The following RBFOX1 variants were observed in gnomAD, a reference collection of about 807,000 sequenced individuals.
RBFOX1 encodes RNA binding protein fox-1 homolog 1.
Under a neutral mutation model 57.7 loss-of-function variants are expected in RBFOX1, and 8 were observed. That is an observed-to-expected ratio of 0.14 (90% CI 0.08 to 0.25). The LOEUF (loss-of-function observed/expected upper bound fraction) is 0.25. Among genes scored for constraint, RBFOX1 ranks in the 10% least tolerant of loss-of-function variants. RBFOX1 has a pLI of 1.00. For missense variants in RBFOX1, 611 were observed against 548.5 expected, an observed-to-expected ratio of 1.11 and a Z score of -1.14; for synonymous variants, 326 against 222.4, an observed-to-expected ratio of 1.47 and a Z score of -4.15.
chr16:7,382,129 A>T (rs2097790720), intron 4 of RBFOX1, among the ~76,000 whole-genome samples: 1 of 152,200 alleles, frequency 6.6e-6, no homozygotes, highest in African/African-American at 2.4e-5. Flanking sequence ...ATATTTGAGT[A>T]GGGACTAATT....
intron 4 of RBFOX1, among the ~76,000 whole-genome samples, chr16:7,507,577 T>TTTTTTTTTG (rs2073775449): frequency 6.8e-6 from 1 of 146,394 alleles, no homozygotes; most frequent in African/African-American, 2.5e-5. Context: ...TTTTTTTTTT[T>TTTTTTTTTG]TTTTGAGACG....
At chr16:6,546,771 G>A (rs963951804) in intron 2 of RBFOX1, among the ~76,000 whole-genome samples, 6 of 152,252 alleles carry the variant, frequency 3.9e-5, no homozygotes, top group South Asian at 2.1e-4. Context: ...AACCCCTAGC[G>A]GATACATATC....
intron 2 of RBFOX1, among the ~76,000 whole-genome samples, chr16:6,574,430 T>TTA: frequency 7.3e-6 from 1 of 136,358 alleles, no homozygotes; most frequent in East Asian, 2.2e-4. Flanking sequence ...TTCTATTTTT[T>TTA]TTTTTTTTTT....
intron 3 of RBFOX1, among the ~76,000 whole-genome samples, chr16:5,611,692 CCCCACCCACTCT>C (rs1483500430): frequency 3.0e-5 from 2 of 65,724 alleles, no homozygotes; most frequent in Non-Finnish European, 7.7e-5. Flanking sequence ...CCACCCACTC[CCCCACCCACTCT>C]CCCATCCATC....
At chr16:6,295,117 T>TTTG (rs2077945438) in intron 1 of RBFOX1, among the ~76,000 whole-genome samples, 1 of 146,356 alleles carries the variant, frequency 6.8e-6, no homozygotes, top group Non-Finnish European at 1.5e-5. Flanking sequence ...TTTTTTTTTT[T>TTTG]TTTTTTTTTG....
intron 3 of RBFOX1, among the ~76,000 whole-genome samples, chr16:5,687,847 A>G (rs1378193726): frequency 6.6e-6 from 1 of 152,196 alleles, no homozygotes; most frequent in African/African-American, 2.4e-5. Flanking sequence ...TATTTTAAAA[A>G]GTTACATTTG....
At chr16:7,706,110 C>T (rs2082353232) in intron 14 of RBFOX1, among the ~76,000 whole-genome samples, 1 of 152,176 alleles carries the variant, frequency 6.6e-6, no homozygotes, top group African/African-American at 2.4e-5. Context: ...GGCATATCTG[C>T]TGCAAACGTA....
At chr16:5,642,107 G>T (rs1242916006) in intron 3 of RBFOX1, among the ~76,000 whole-genome samples, 2 of 152,120 alleles carry the variant, frequency 1.3e-5, no homozygotes, top group Non-Finnish European at 1.5e-5. Flanking sequence ...TCTCAAGCTG[G>T]GAGTTTATTC....
In RBFOX1 at chr16:7,360,253, T is replaced by C. The variant is rs1177903410; in HGVS notation, c.28-157894T>C. 2.6e-5 allele frequency among the ~76,000 whole-genome samples: 4 copies of C among 152,308 alleles called. No individual in the cohort carries two copies. In the East Asian group the frequency reaches 7.7e-4, roughly 29 times the overall value. ...ATAAACCTAGAAATGCCCCATTTTT[T>C]CCCAATAGCCTAGAATTCTTAGAAT... On this transcript the variant is annotated intron_variant, in intron 4 of 15. Coordinates refer to ENST00000550418, the MANE Select transcript of RBFOX1 (RefSeq NM_018723.4).
At chr16:5,797,927 G>A (rs2151746965) in intron 3 of RBFOX1, among the ~76,000 whole-genome samples, 1 of 152,218 alleles carries the variant, frequency 6.6e-6, no homozygotes, top group South Asian at 2.1e-4. Context: ...TTAATTGGAT[G>A]GGACACCATA....
chr16:6,019,805 C>T lies in RBFOX1; in HGVS notation c.-314C>T, dbSNP rs1211604061. On this transcript the variant is annotated 5_prime_UTR_variant, in exon 1 of 16. Coordinates refer to ENST00000550418, the MANE Select transcript of RBFOX1 (RefSeq NM_018723.4). This position sits in a 1 kb window ranked among gnomAD's most constrained non-coding sequence, Gnocchi z 4.2. ...TCCCCGCCTGTCCGGACCCTCGCCG[C>T]GCCCAGGCAGGCGCGCCAGGGCGGG... The T allele has an allele frequency of 1.3e-6, 2 of 1,493,364 alleles. No homozygotes were observed. The highest frequency in any genetic ancestry group is 2.1e-5 in the Admixed American group (1 of 48,162). The allele number at this position is 1,493,364 out of a possible 1,614,324, so 92.5% of individuals were successfully genotyped here.
At chr16:5,599,555 G>T (rs1323971195) in exon 3 of RBFOX1, 3 of 320,480 alleles carry the variant, frequency 9.4e-6, no homozygotes, top group South Asian at 7.0e-5. Flanking sequence ...TCATGGTGTG[G>T]TGCATTCCCC....
At chr16:7,690,714 C>G (rs572096685) in intron 14 of RBFOX1, among the ~76,000 whole-genome samples, 2 of 152,156 alleles carry the variant, frequency 1.3e-5, no homozygotes, top group South Asian at 2.1e-4. Flanking sequence ...AGACATTCGT[C>G]TCTTTGATCA....
intron 1 of RBFOX1, among the ~76,000 whole-genome samples, chr16:6,197,799 C>T (rs998235338): frequency 6.6e-6 from 1 of 152,208 alleles, no homozygotes; most frequent in Non-Finnish European, 1.5e-5. Flanking sequence ...TCCTCCCACC[C>T]TCCATCCTCC....
At chr16:7,071,311 G>C (rs1340396095) in intron 4 of RBFOX1, among the ~76,000 whole-genome samples, 1 of 152,056 alleles carries the variant, frequency 6.6e-6, no homozygotes, top group African/African-American at 2.4e-5. Flanking sequence ...GAAAAGGTAG[G>C]TATATGTAAT....
intron 10 of RBFOX1, among the ~76,000 whole-genome samples, chr16:7,612,899 G>A (rs1041213640): frequency 6.6e-6 from 1 of 152,118 alleles, no homozygotes; most frequent in African/African-American, 2.4e-5. Context: ...CTATAAGGCA[G>A]CAAAGCTTAA....
Position 7,653,753 on chromosome 16 carries a change from C to G in RBFOX1, c.758-62C>G, listed in dbSNP as rs1339660406. On this transcript the variant is annotated intron_variant, in intron 11 of 15. Transcript: ENST00000550418. ...ACAAGGGTTCCCGGGGCAGTTCCCT[C>G]CACAGCAGGGTGTGCATCTGACAGC... 2.5e-6 allele frequency: 4 copies of G among 1,598,170 alleles called. No homozygotes were observed. In the Admixed American group the frequency reaches 6.7e-5, roughly 27 times the overall value.
At chr16:6,442,880 C>T (rs932517154) in intron 2 of RBFOX1, among the ~76,000 whole-genome samples, 1 of 152,090 alleles carries the variant, frequency 6.6e-6, no homozygotes, top group African/African-American at 2.4e-5. Flanking sequence ...CAGTTTGGTG[C>T]AAAAATGATT....
At chr16:7,594,211 A>G (rs2094579316) in intron 7 of RBFOX1, among the ~76,000 whole-genome samples, 1 of 150,852 alleles carries the variant, frequency 6.6e-6, no homozygotes, top group African/African-American at 2.4e-5. Flanking sequence ...GGAGGTGATT[A>G]TAGAGAACTA....
Sources: gnomAD v4.1 joint callset for allele counts (sites outside exome capture counted in the v4.1 genomes callset) on GRCh38, gnomAD v4.1.1 for gene constraint, Gnocchi (gnomAD v3.1) non-coding constraint, MANE v1.5 for transcripts, NCBI Gene and HGNC (gene_info 2026-07-23, HGNC 2026-07-21) for gene names.